The following SUPT3H variants were observed in gnomAD, a reference collection of about 807,000 sequenced individuals.
SUPT3H encodes the protein SPT3 homolog, SAGA and STAGA complex component.
SUPT3H carries 44 observed loss-of-function variants against 44.3 expected under a neutral mutation model. That is an observed-to-expected ratio of 0.99 (90% CI 0.78 to 1.28). SUPT3H has a LOEUF of 1.28. SUPT3H is among the 50% of genes most tolerant of loss of function. The probability of loss-of-function intolerance (pLI) is 0.00; values close to 1 mark genes in which losing one functional copy is unlikely to be tolerated. For missense variants in SUPT3H, 380 were observed against 387.1 expected (o/e 0.98, Z 0.15); for synonymous variants, 124 against 125.6 (o/e 0.99, Z 0.09).
At chr6:45,121,850 G>GT (rs1305058013) in intron 2 of SUPT3H, among the ~76,000 whole-genome samples, 2 of 151,670 alleles carry the variant, frequency 1.3e-5, no homozygotes, top group South Asian at 2.1e-4. Flanking sequence ...TAATTTTTGT[G>GT]TTTTTTTAGT....
chr6:44,916,939 T>C lies in SUPT3H; in HGVS notation c.912+15714A>G, dbSNP rs79481695. Among the ~76,000 whole-genome samples the C allele has an allele frequency of 6.5e-3, 984 of 152,090 alleles. 13 individuals carry two copies. Among genetic ancestry groups the C allele is most frequent in the African/African-American group, 0.022 (929 of 41,436 alleles). On this transcript the variant is annotated intron_variant, in intron 10 of 10. Coordinates refer to ENST00000371459, the MANE Select transcript of SUPT3H (RefSeq NM_003599.4). Reference sequence around the variant, plus strand: ...TCGCTTGAGTTCAGGAGTTCAAGGCTGTGGGTAACATGGTGAGACCCTGTC... The same window carrying C: ...TCGCTTGAGTTCAGGAGTTCAAGGCCGTGGGTAACATGGTGAGACCCTGTC...
intron 4 of SUPT3H, among the ~76,000 whole-genome samples, chr6:45,020,245 C>T (rs1043185687): frequency 6.6e-6 from 1 of 151,878 alleles, no homozygotes; most frequent in East Asian, 1.9e-4. Flanking sequence ...CCACTTATGA[C>T]AACAGAACAT....
chr6:45,164,593 G>A (rs868325752), intron 2 of SUPT3H, among the ~76,000 whole-genome samples: 1 of 152,002 alleles, frequency 6.6e-6, no homozygotes, highest in Admixed American at 6.6e-5. Flanking sequence ...GGGTTTTTCC[G>A]CCTTTGTTTT....
chr6:44,829,974 T>C (rs1051950355), intron 10 of SUPT3H, 117 bp from the exon 11 acceptor site: 1 of 875,362 alleles, frequency 1.1e-6, no homozygotes, highest in Non-Finnish European at 1.9e-6. Flanking sequence ...TACAATCTAA[T>C]AGAATGCTTA....
chr6:45,141,448 A>C (rs1485722460), intron 2 of SUPT3H, among the ~76,000 whole-genome samples: 1 of 151,664 alleles, frequency 6.6e-6, no homozygotes, highest in African/African-American at 2.4e-5. Flanking sequence ...GTTTTTTTTA[A>C]AAGTACAGCA....
At chr6:44,942,833 AAG>A (rs1480644826) in intron 9 of SUPT3H, among the ~76,000 whole-genome samples, 1 of 152,176 alleles carries the variant, frequency 6.6e-6, no homozygotes, top group African/African-American at 2.4e-5. Context: ...GCTGCCACTG[AAG>A]AGGAGTTCAA....
intron 2 of SUPT3H, among the ~76,000 whole-genome samples, chr6:45,282,800 G>C (rs1210835552): frequency 1.3e-5 from 2 of 152,118 alleles, no homozygotes; most frequent in East Asian, 1.9e-4. Context: ...CACCAAAGTT[G>C]AAATAAAGGA....
intron 7 of SUPT3H, among the ~76,000 whole-genome samples, chr6:44,958,082 C>T (rs183451309): frequency 1.3e-5 from 2 of 152,256 alleles, no homozygotes; most frequent in Admixed American, 1.3e-4. Context: ...CTCTTCCCAA[C>T]GTATCAGGAG....
At chr6:45,067,295 C>A (rs1160006363) in intron 3 of SUPT3H, among the ~76,000 whole-genome samples, 2 of 136,588 alleles carry the variant, frequency 1.5e-5, no homozygotes, top group Admixed American at 7.7e-5. Context: ...TTCCTTACAC[C>A]TTATACAAAA....
At chr6:45,173,417 C>G (rs1035353065) in intron 2 of SUPT3H, among the ~76,000 whole-genome samples, 1 of 152,214 alleles carries the variant, frequency 6.6e-6, no homozygotes, top group African/African-American at 2.4e-5. Context: ...GCTTCATAAA[C>G]ATAATCTCAT....
At chr6:45,047,722 GGTTCTCTTT>G (rs1562334593) in intron 3 of SUPT3H, among the ~76,000 whole-genome samples, 1 of 151,984 alleles carries the variant, frequency 6.6e-6, no homozygotes, top group Non-Finnish European at 1.5e-5. Flanking sequence ...AGTGTGCAAA[GGTTCTCTTT>G]TCTCCACATC....
chr6:45,194,836 C>T (rs549181823), intron 2 of SUPT3H, among the ~76,000 whole-genome samples: 5 of 152,244 alleles, frequency 3.3e-5, no homozygotes, highest in South Asian at 2.1e-4. Context: ...AAGTAGTATT[C>T]ATCTAATCTC....
At chr6:45,330,117 C>T (rs1787157336) in intron 2 of SUPT3H, among the ~76,000 whole-genome samples, 1 of 149,860 alleles carries the variant, frequency 6.7e-6, no homozygotes, top group African/African-American at 2.4e-5. Flanking sequence ...TTGTATTTTA[C>T]AAAAAAAAAT....
chr6:45,342,104 T>G (rs1789899519), intron 2 of SUPT3H, among the ~76,000 whole-genome samples: 2 of 151,900 alleles, frequency 1.3e-5, no homozygotes, highest in African/African-American at 4.8e-5. Flanking sequence ...AGGCAAAGAA[T>G]AAGGAAAATG....
At chr6:44,969,990 C>T (rs1777338206) in intron 6 of SUPT3H, among the ~76,000 whole-genome samples, 1 of 152,108 alleles carries the variant, frequency 6.6e-6, no homozygotes, top group South Asian at 2.1e-4. Flanking sequence ...TACAAAGCAT[C>T]AGTGATTGAG....
chr6:45,279,954 G>A (rs769058402), intron 2 of SUPT3H, among the ~76,000 whole-genome samples: 3 of 152,054 alleles, frequency 2.0e-5, no homozygotes, highest in African/African-American at 7.2e-5. Flanking sequence ...GATAGCTGAT[G>A]ACCATTCCTA....
At chr6:44,912,603 T>C (rs1404878654) in intron 10 of SUPT3H, among the ~76,000 whole-genome samples, 1 of 152,188 alleles carries the variant, frequency 6.6e-6, no homozygotes, top group Non-Finnish European at 1.5e-5. Flanking sequence ...CTGCCTGGTC[T>C]GAGAGCAGTA....
chr6:44,982,901 G>C (rs1302210590), intron 6 of SUPT3H, among the ~76,000 whole-genome samples: 1 of 152,184 alleles, frequency 6.6e-6, no homozygotes, highest in African/African-American at 2.4e-5. Context: ...TGCTCGTATA[G>C]TGAATTAGGT....
At chr6:45,312,662 T>C (rs903196455) in intron 2 of SUPT3H, among the ~76,000 whole-genome samples, 2 of 104,232 alleles carry the variant, frequency 1.9e-5, no homozygotes, top group East Asian at 3.5e-4. Flanking sequence ...AAAAATGAGA[T>C]AGACAGCAAC....
Sources: allele counts gnomAD v4.1 joint callset (sites outside exome capture counted in the v4.1 genomes callset), GRCh38; gene constraint gnomAD v4.1.1; transcripts MANE v1.5; gene names NCBI Gene and HGNC (gene_info 2026-07-23, HGNC 2026-07-21).